Variants in TSHZ2 observed in about 807,000 individuals in gnomAD.
The protein encoded by TSHZ2 is teashirt homolog 2.
Under a neutral mutation model 74.4 loss-of-function variants are expected in TSHZ2, and 21 were observed. The ratio of observed to expected loss-of-function variants is 0.28; its 90% CI spans 0.20 to 0.41. The LOEUF (loss-of-function observed/expected upper bound fraction) is 0.41. TSHZ2 is among the 10% of genes least tolerant of loss of function. The pLI, the probability that TSHZ2 is intolerant of heterozygous loss-of-function variation, is 1.00. For missense variants in TSHZ2, 1,244 were observed against 1,293.5 expected, an observed-to-expected ratio of 0.96 and a Z score of 0.59; for synonymous variants, 540 against 515.3, an observed-to-expected ratio of 1.05 and a Z score of -0.65.
At chr20:53,455,918 C>G (rs573879530) in intron 2 of TSHZ2, among the ~76,000 whole-genome samples, 1 of 151,578 alleles carries the variant, frequency 6.6e-6, no homozygotes, top group East Asian at 1.9e-4. Context: ...GCATAGTATT[C>G]CATGGTGTAT....
chr20:53,158,338 C>CATCTGACTT (rs2032229701), intron 1 of TSHZ2, among the ~76,000 whole-genome samples: 1 of 152,144 alleles, frequency 6.6e-6, no homozygotes, highest in Non-Finnish European at 1.5e-5. Context: ...AGAAAAGCAT[C>CATCTGACTT]ATCTGACTTA....
In TSHZ2 at chr20:53,254,855, A is replaced by T. The variant is rs754923823; in HGVS notation, c.1397A>T (p.Lys466Ile). The T allele has an allele frequency of 2.0e-5, 32 of 1,614,020 alleles. No individual in the cohort carries two copies. The South Asian group carries it at 2.9e-4, about 14-fold the overall frequency. ...ACTGAGTTAAAGAAAGAGAGTAAAA[A>T]AGAAAGGCCAGAGGAAACCAGCAAG... ...STTELKKESK[K>I]ERPEETSKDE... Residue 466 changes from lysine (K) to isoleucine (I), a missense_variant, in exon 2 of 3, where the codon AAA (lysine) becomes ATA (isoleucine). Around this residue, in one of 6 missense-constraint regions of TSHZ2, gnomAD observed 562 missense variants for 544.0 expected, o/e 1.03. Coordinates refer to ENST00000371497, the MANE Select transcript of TSHZ2 (RefSeq NM_173485.6).
At chr20:53,365,337 C>A (rs1269510928) in intron 2 of TSHZ2, among the ~76,000 whole-genome samples, 2 of 152,112 alleles carry the variant, frequency 1.3e-5, no homozygotes, top group South Asian at 2.1e-4. Context: ...AACAGCTATC[C>A]CAGCTTGGGG....
chr20:53,231,508 T>C (rs920334960), intron 1 of TSHZ2, among the ~76,000 whole-genome samples: 2 of 152,180 alleles, frequency 1.3e-5, no homozygotes, highest in Non-Finnish European at 2.9e-5. Context: ...ATTTAAACAC[T>C]GGGTGGATGT....
intron 1 of TSHZ2, among the ~76,000 whole-genome samples, chr20:52,989,629 T>A (rs1981901886): frequency 6.6e-6 from 1 of 152,176 alleles, no homozygotes; most frequent in Non-Finnish European, 1.5e-5. Flanking sequence ...TGATACTTAT[T>A]ACATACTCAG....
Position 53,489,437 on chromosome 20 carries a change from G to C in TSHZ2, c.*2302G>C. On this transcript the variant is annotated 3_prime_UTR_variant, in exon 3 of 3. Coordinates refer to ENST00000371497, the MANE Select transcript of TSHZ2 (RefSeq NM_173485.6). ...ATGCATTAGTATTGGGGTTCTCGTA[G>C]CTGTTAAAAATTGTCTGCTCCAATC... 1 of 316,418 alleles carries C rather than the reference G, an allele frequency of 3.2e-6. No individual in the cohort carries two copies. 19.6% of individuals were successfully genotyped at this position (316,418 alleles called of 1,614,324 possible).
At position 53,327,490 on chromosome 20, in the gene TSHZ2, A is replaced by G. The variant is rs1466716851; in HGVS notation, c.*8+70919A>G. ...GGCGACAGAGCAAGACGTCTCAAAA[A>G]AAGAAAAAAGAAATGACAAATGCAT... On this transcript the variant is annotated intron_variant, in intron 2 of 2. Coordinates refer to ENST00000371497, the MANE Select transcript of TSHZ2 (RefSeq NM_173485.6). 3.3e-5 allele frequency among the ~76,000 whole-genome samples: 5 copies of G among 152,342 alleles called. No homozygotes were observed. In the East Asian group the frequency reaches 7.7e-4, roughly 23 times the overall value.
chr20:53,312,888 A>T (rs1978851212), intron 2 of TSHZ2, among the ~76,000 whole-genome samples: 1 of 152,202 alleles, frequency 6.6e-6, no homozygotes, highest in African/African-American at 2.4e-5. Context: ...GGCTAGGAGG[A>T]GATAAGATTT....
In TSHZ2 at chr20:53,050,124, T is replaced by TATATATATATAC. The variant is rs1409158633; in HGVS notation, c.40+76792_40+76793insTATATATATACA. ...GTGTGTATATATATATATATATATA[T>TATATATATATAC]ACACATATATATATGTGTATATATA... On this transcript the variant is annotated intron_variant, in intron 1 of 2. Coordinates refer to ENST00000371497, the MANE Select transcript of TSHZ2 (RefSeq NM_173485.6). Among the ~76,000 whole-genome samples, 27 of 107,208 alleles carry TATATATATATAC rather than the reference T, an allele frequency of 2.5e-4. 1 individual carries two copies. Among genetic ancestry groups the TATATATATATAC allele is most frequent in the African/African-American group, 1.7e-3 (26 of 15,536 alleles). 70.3% of individuals were successfully genotyped at this position (107,208 alleles called of 152,430 possible).
At chr20:53,403,584 G>A (rs1982746795) in intron 2 of TSHZ2, among the ~76,000 whole-genome samples, 1 of 152,168 alleles carries the variant, frequency 6.6e-6, no homozygotes. Context: ...GTTCACGGAT[G>A]GCTCTGCTGA....
intron 2 of TSHZ2, among the ~76,000 whole-genome samples, chr20:53,384,749 C>G (rs561039496): frequency 6.6e-6 from 1 of 152,280 alleles, no homozygotes; most frequent in South Asian, 2.1e-4. Context: ...TACTTAGTAT[C>G]CTCAGTGGTT....
chr20:53,267,797 A>C (rs1178105115), intron 2 of TSHZ2, among the ~76,000 whole-genome samples: 1 of 152,260 alleles, frequency 6.6e-6, no homozygotes, highest in African/African-American at 2.4e-5. Context: ...CATATGTGCT[A>C]AGCTCAGGCT....
intron 2 of TSHZ2, among the ~76,000 whole-genome samples, chr20:53,338,340 C>T (rs757954256): frequency 1.3e-5 from 2 of 152,182 alleles, no homozygotes; most frequent in Admixed American, 6.5e-5. Flanking sequence ...ATGGAAACAT[C>T]GGTGAAGCCC....
chr20:53,337,303 A>G (rs1979991784), intron 2 of TSHZ2, among the ~76,000 whole-genome samples: 1 of 152,224 alleles, frequency 6.6e-6, no homozygotes, highest in South Asian at 2.1e-4. Context: ...AGCAACACCT[A>G]GATAATTACT....
intron 1 of TSHZ2, among the ~76,000 whole-genome samples, chr20:53,097,113 A>G (rs543778873): frequency 2.0e-5 from 3 of 152,226 alleles, no homozygotes; most frequent in African/African-American, 7.2e-5. Flanking sequence ...GTGTCAATCA[A>G]AAATGTCTCC....
intron 2 of TSHZ2, among the ~76,000 whole-genome samples, chr20:53,315,170 A>C (rs968095015): frequency 6.6e-5 from 10 of 152,352 alleles, no homozygotes; most frequent in Admixed American, 6.5e-5. Flanking sequence ...CACTCTTAAG[A>C]CATCTTCACA....
At chr20:53,331,599 G>C (rs1353173363) in intron 2 of TSHZ2, among the ~76,000 whole-genome samples, 8 of 152,186 alleles carry the variant, frequency 5.3e-5, no homozygotes, top group Non-Finnish European at 1.2e-4. Context: ...GTAGGTGTCA[G>C]ACCCTGGTGT....
intron 2 of TSHZ2, among the ~76,000 whole-genome samples, chr20:53,474,827 T>C (rs1327576024): frequency 7.2e-6 from 1 of 139,512 alleles, no homozygotes; most frequent in Non-Finnish European, 1.5e-5. Context: ...ACCAAGCAAA[T>C]GGAAAACAAA....
rs144123087 is a variant in TSHZ2 at position 53,262,850 on chromosome 20, AT to A, written c.*8+6280del. On this transcript the variant is annotated intron_variant, in intron 2 of 2. Coordinates refer to ENST00000371497, the MANE Select transcript of TSHZ2 (RefSeq NM_173485.6). ...TCCTATTAAATCCAGTGTAAATGTT[AT>A]GTGAGGCTCACCTGGAGGGAAAAGG... is the stretch of plus-strand genomic sequence containing the variant. 6.4e-3 allele frequency among the ~76,000 whole-genome samples: 970 copies of A among 152,310 alleles called. 10 individuals carry two copies. Among genetic ancestry groups the A allele is most frequent in the African/African-American group, 0.022 (918 of 41,556 alleles).
Sources: gnomAD v4.1 joint callset for allele counts (sites outside exome capture counted in the v4.1 genomes callset) on GRCh38, gnomAD v4.1.1 for gene constraint, gnomAD v4.1.1 regional missense constraint, MANE v1.5 for transcripts, NCBI Gene and HGNC (gene_info 2026-07-23, HGNC 2026-07-21) for gene names.